Variants in DUSP16 observed in about 807,000 individuals in gnomAD.
DUSP16 encodes dual specificity protein phosphatase 16.
In DUSP16, 21 loss-of-function variants were observed where a neutral mutation model predicts 58.3. The ratio of observed to expected loss-of-function variants is 0.36; its 90% CI spans 0.26 to 0.52. The LOEUF (loss-of-function observed/expected upper bound fraction) is 0.52. DUSP16 is among the 20% of genes least tolerant of loss of function. The pLI, the probability that DUSP16 is intolerant of heterozygous loss-of-function variation, is 0.94. For synonymous variants in DUSP16, 320 were observed against 323.8 expected (o/e 0.99, Z 0.12); for missense variants, 726 against 819.0 (o/e 0.89, Z 1.39).
chr12:12,557,273 G>A (rs567586508), intron 1 of DUSP16, among the ~76,000 whole-genome samples: 2 of 152,118 alleles, frequency 1.3e-5, no homozygotes, highest in African/African-American at 4.8e-5. Context: ...GGCCAACGTG[G>A]TGAAACCCCG....
chr12:12,560,160 T>C (rs2136277602), intron 1 of DUSP16, among the ~76,000 whole-genome samples: 1 of 152,290 alleles, frequency 6.6e-6, no homozygotes, highest in Admixed American at 6.5e-5. Flanking sequence ...TCATGCACTA[T>C]GATCATTTGG....
intron 1 of DUSP16, among the ~76,000 whole-genome samples, chr12:12,544,852 T>C (rs2136257513): frequency 6.6e-6 from 1 of 152,346 alleles, no homozygotes; most frequent in East Asian, 1.9e-4. Flanking sequence ...TTCATACAGA[T>C]AGGCAATTGA....
chr12:12,524,584 A>C (rs1430088012), intron 1 of DUSP16, among the ~76,000 whole-genome samples: 4 of 152,250 alleles, frequency 2.6e-5, no homozygotes, highest in Non-Finnish European at 4.4e-5. Context: ...AAGATTTGAA[A>C]GATGACAAGA....
chr12:12,560,595 A>C (rs1944883734), intron 1 of DUSP16, among the ~76,000 whole-genome samples: 1 of 152,216 alleles, frequency 6.6e-6, no homozygotes, highest in African/African-American at 2.4e-5. Flanking sequence ...ATCCCTACAC[A>C]GAGCCATACA....
intron 5 of DUSP16, among the ~76,000 whole-genome samples, chr12:12,483,669 TG>T (rs1943619981): frequency 6.6e-6 from 1 of 151,970 alleles, no homozygotes; most frequent in Admixed American, 6.6e-5. Flanking sequence ...CAGGAGACAG[TG>T]AAGAGGAAGC....
At chr12:12,514,645 C>CT (rs1944121989) in intron 3 of DUSP16, among the ~76,000 whole-genome samples, 1 of 152,126 alleles carries the variant, frequency 6.6e-6, no homozygotes, top group African/African-American at 2.4e-5. Context: ...GGCACTACCT[C>CT]TCTCTAGCTC....
intron 3 of DUSP16, among the ~76,000 whole-genome samples, chr12:12,502,151 AAACAC>A (rs1385276551): frequency 1.3e-5 from 2 of 152,194 alleles, no homozygotes; most frequent in Non-Finnish European, 2.9e-5. Flanking sequence ...CCACTTCAAG[AAACAC>A]ACAAAATATG....
chr12:12,555,937 A>G (rs1424307512), intron 1 of DUSP16, among the ~76,000 whole-genome samples: 2 of 152,198 alleles, frequency 1.3e-5, no homozygotes, highest in East Asian at 1.9e-4. Flanking sequence ...GCTATTTGGG[A>G]GGCTGAGGTG....
At chr12:12,511,804 C>A (rs1419965740) in intron 3 of DUSP16, among the ~76,000 whole-genome samples, 1 of 151,320 alleles carries the variant, frequency 6.6e-6, no homozygotes, top group Non-Finnish European at 1.5e-5. Context: ...GCCATGGAGG[C>A]ACCCATCAAA....
chr12:12,543,869 A>T (rs917038896), intron 1 of DUSP16, among the ~76,000 whole-genome samples: 1 of 151,976 alleles, frequency 6.6e-6, no homozygotes, highest in Non-Finnish European at 1.5e-5. Flanking sequence ...TATTTGTAAT[A>T]CAAATAATTT....
chr12:12,514,216 A>G lies in DUSP16; in HGVS notation c.367+5646T>C, dbSNP rs145556179. ...GTTAAATGACTTATCCAAAGTTGCC[A>G]TAAGGAGCAGAGACACACACAGAAA... On this transcript the variant is annotated intron_variant, in intron 3 of 6. Transcript: ENST00000298573. Among the ~76,000 whole-genome samples the G allele has an allele frequency of 7.6e-3, 1,156 of 152,346 alleles. 10 individuals carry two copies. Among genetic ancestry groups the G allele is most frequent in the African/African-American group, 0.027 (1,123 of 41,576 alleles).
At chr12:12,521,573 T>A (rs1944238515) in intron 1 of DUSP16, 110 bp from the exon 2 acceptor site, 1 of 354,994 alleles carries the variant, frequency 2.8e-6, no homozygotes, top group Non-Finnish European at 4.0e-6. Context: ...TTAATCTAAT[T>A]CCATACTTGA....
intron 1 of DUSP16, among the ~76,000 whole-genome samples, chr12:12,528,994 A>T (rs1944345147): frequency 6.6e-6 from 1 of 152,234 alleles, no homozygotes; most frequent in African/African-American, 2.4e-5. Flanking sequence ...TGAATATACT[A>T]GCCAAGATAA....
chr12:12,499,577 T>TG (rs962163759), intron 4 of DUSP16, among the ~76,000 whole-genome samples: 5 of 152,300 alleles, frequency 3.3e-5, no homozygotes, highest in Admixed American at 6.5e-5. Context: ...GCCTTCCAGG[T>TG]GCTAAAGAAA....
chr12:12,499,485 CAT>C lies in DUSP16; in HGVS notation c.531+1032_531+1033del, dbSNP rs557291247. On this transcript the variant is annotated intron_variant, in intron 4 of 6. Transcript: ENST00000298573. ...ATTTTGAAAAGGCAGGAGTTTTAAACATACACACACTCACAAAAGAATGCCTT... is the reference window on the plus strand; with the variant it reads ...ATTTTGAAAAGGCAGGAGTTTTAAACACACACACTCACAAAAGAATGCCTT... Among the ~76,000 whole-genome samples the C allele has an allele frequency of 3.5e-3, 531 of 152,226 alleles. 3 individuals carry two copies. The highest frequency in any genetic ancestry group is 0.012 in the African/African-American group (496 of 41,538).
At chr12:12,550,378 A>G (rs1944707902) in intron 1 of DUSP16, among the ~76,000 whole-genome samples, 1 of 152,180 alleles carries the variant, frequency 6.6e-6, no homozygotes, top group African/African-American at 2.4e-5. Context: ...ATGAGGAAGG[A>G]ACCCCTTCAA....
chr12:12,520,850 G>A (rs1944224321), intron 2 of DUSP16, 21 bp downstream of exon 2: 1 of 1,612,072 alleles, frequency 6.2e-7, no homozygotes, highest in Non-Finnish European at 8.5e-7. Context: ...ATTTTGAAAA[G>A]GCAAAAAGGA....
intron 1 of DUSP16, among the ~76,000 whole-genome samples, chr12:12,533,361 A>G (rs1944418864): frequency 6.6e-6 from 1 of 152,236 alleles, no homozygotes; most frequent in South Asian, 2.1e-4. Context: ...AGTATATGCA[A>G]TGGCTTCGTC....
chr12:12,530,077 G>T (rs549484340), intron 1 of DUSP16, among the ~76,000 whole-genome samples: 3 of 152,030 alleles, frequency 2.0e-5, no homozygotes, highest in South Asian at 4.2e-4. Flanking sequence ...AATTTTTTTT[G>T]AGGAACCTCC....
Sources: gnomAD v4.1 joint callset for allele counts (sites outside exome capture counted in the v4.1 genomes callset) on GRCh38, gnomAD v4.1.1 for gene constraint, MANE v1.5 for transcripts, NCBI Gene and HGNC (gene_info 2026-07-23, HGNC 2026-07-21) for gene names.